The following TBK1 variants were observed in gnomAD, a reference collection of about 807,000 sequenced individuals.
TBK1 encodes the protein TANK binding kinase 1, also known as serine/threonine-protein kinase TBK1.
TBK1 carries 37 observed loss-of-function variants against 99.9 expected under a neutral mutation model. The observed-to-expected ratio is 0.37, with a 90% confidence interval of 0.28 to 0.49. The LOEUF is 0.49. TBK1 is among the 20% of genes least tolerant of loss of function. TBK1 has a pLI of 0.98. For synonymous variants in TBK1, 258 were observed against 279.8 expected (o/e 0.92, Z 0.78); for missense variants, 644 against 872.5 (o/e 0.74, Z 3.30).
chr12:64,479,318 A>G (rs1034654858), intron 6 of TBK1, among the ~76,000 whole-genome samples: 1 of 152,330 alleles, frequency 6.6e-6, no homozygotes, highest in East Asian at 1.9e-4. Context: ...GATAGTTGTC[A>G]CATGAACACA....
At position 64,464,471 on chromosome 12, in the gene TBK1, T is replaced by A; in HGVS notation, c.358+8T>A. ...TTGTTTTGCGAGATGTGGGTATGTTTGTTTATTTATATGATATCATTTGTA... is the reference window on the plus strand; with the variant it reads ...TTGTTTTGCGAGATGTGGGTATGTTAGTTTATTTATATGATATCATTTGTA... On this transcript the variant is annotated splice_region_variant and intron_variant, in intron 4 of 20. Coordinates refer to ENST00000331710, the MANE Select transcript of TBK1 (RefSeq NM_013254.4). 4 of 1,560,176 alleles carry A rather than the reference T, an allele frequency of 2.6e-6. No homozygotes were observed. The highest frequency in any genetic ancestry group is 3.5e-6 in the Non-Finnish European group (4 of 1,154,540).
rs116739164 is a variant in TBK1 at position 64,487,229 on chromosome 12, G to A, written c.1340+1212G>A. On this transcript the variant is annotated intron_variant, in intron 11 of 20. Coordinates refer to ENST00000331710, the MANE Select transcript of TBK1 (RefSeq NM_013254.4). ...TGCTTGTTTCTACACATCATTCAAA[G>A]CTTTTGAATTTTGCGTACACATCAT... 3.2e-3 allele frequency among the ~76,000 whole-genome samples: 482 copies of A among 152,286 alleles called. 5 individuals carry two copies. Among genetic ancestry groups the A allele is most frequent in the African/African-American group, 0.011 (461 of 41,560 alleles).
chr12:64,455,966 A>G lies in TBK1; in HGVS notation c.87+9A>G, dbSNP rs1363569679. 6.3e-7 allele frequency: 1 copy of G among 1,597,582 alleles called. No homozygotes were observed. The highest frequency in any genetic ancestry group is 8.5e-7 in the Non-Finnish European group (1 of 1,173,408). On this transcript the variant is annotated intron_variant, in intron 2 of 20. Transcript: ENST00000331710. ...TTCGTGGAAGACATAAGGTTAGTAC[A>G]GAGAAAACTTTGAAGACCTTTTATC...
At chr12:64,453,329 A>G (rs1184150730) in intron 1 of TBK1, among the ~76,000 whole-genome samples, 1 of 152,230 alleles carries the variant, frequency 6.6e-6, no homozygotes, top group Non-Finnish European at 1.5e-5. Flanking sequence ...ATAGGTACCT[A>G]ATGGTACTAT....
chr12:64,483,042 G>A (rs1488352911), intron 8 of TBK1, among the ~76,000 whole-genome samples: 1 of 152,172 alleles, frequency 6.6e-6, no homozygotes, highest in African/African-American at 2.4e-5. Context: ...TCATTTCTTA[G>A]AACTGCATGT....
intron 9 of TBK1, among the ~76,000 whole-genome samples, chr12:64,484,770 A>G (rs975084065): frequency 2.6e-5 from 4 of 152,112 alleles, no homozygotes; most frequent in African/African-American, 9.7e-5. Context: ...AAAAATCCAC[A>G]AAGTCTGTCA....
intron 1 of TBK1, among the ~76,000 whole-genome samples, chr12:64,453,544 C>T (rs1267686997): frequency 6.6e-6 from 1 of 152,070 alleles, no homozygotes; most frequent in East Asian, 1.9e-4. Flanking sequence ...ATAAAAATAT[C>T]CTACTATATC....
intron 2 of TBK1, among the ~76,000 whole-genome samples, chr12:64,457,983 C>T (rs529249965): frequency 2.2e-4 from 34 of 152,212 alleles, no homozygotes; most frequent in Admixed American, 1.6e-3. Context: ...TGGTGGCTCA[C>T]GCCTGTAATC....
chr12:64,484,339 C>T lies in TBK1; in HGVS notation c.1029C>T (p.Thr343=), dbSNP rs1477173879. Residue 343 remains threonine (T), a synonymous_variant, in exon 9 of 21, where the codon ACC becomes ACT. Transcript: ENST00000331710. ...TTCATGAACTGGTATATAAACAAACCAAAATTATTTCTTCAAATCAAGAAC... is the reference window on the plus strand; with the variant it reads ...TTCATGAACTGGTATATAAACAAACTAAAATTATTTCTTCAAATCAAGAAC... ...TIFHELVYKQ[T]KIISSNQELI... 1 of 1,613,372 alleles carries T rather than the reference C, an allele frequency of 6.2e-7. No individual in the cohort carries two copies. The highest frequency in any genetic ancestry group is 2.2e-5 in the East Asian group (1 of 44,848).
At chr12:64,460,061 T>G in intron 2 of TBK1, 128 bp from the exon 3 acceptor site, 1 of 541,758 alleles carries the variant, frequency 1.8e-6, no homozygotes, top group Non-Finnish European at 3.0e-6. Flanking sequence ...CTCATACAGA[T>G]TCCCTGTGCC....
intron 5 of TBK1, among the ~76,000 whole-genome samples, chr12:64,468,825 A>G (rs1167940986): frequency 6.6e-6 from 1 of 152,198 alleles, no homozygotes; most frequent in Non-Finnish European, 1.5e-5. Flanking sequence ...GAAGCAAGCC[A>G]GGCACAGCGT....
At chr12:64,499,856 C>T (rs1171161220) in intron 20 of TBK1, among the ~76,000 whole-genome samples, 1 of 151,972 alleles carries the variant, frequency 6.6e-6, no homozygotes, top group Non-Finnish European at 1.5e-5. Context: ...CGCCACCATG[C>T]CCAGCTAATT....
chr12:64,465,024 G>T (rs1277354407), intron 4 of TBK1, among the ~76,000 whole-genome samples: 1 of 151,958 alleles, frequency 6.6e-6, no homozygotes, highest in East Asian at 1.9e-4. Context: ...CCGGCAGATT[G>T]CTTGAGTCCA....
chr12:64,463,509 G>T (rs1486343117), intron 3 of TBK1, among the ~76,000 whole-genome samples: 1 of 151,876 alleles, frequency 6.6e-6, no homozygotes, highest in Non-Finnish European at 1.5e-5. Flanking sequence ...GACTAGCCTG[G>T]GCAACATAGT....
intron 2 of TBK1, among the ~76,000 whole-genome samples, chr12:64,458,499 A>G (rs1317842239): frequency 8.2e-6 from 1 of 121,744 alleles, no homozygotes; most frequent in Non-Finnish European, 1.8e-5. Context: ...TGATCTGCAC[A>G]TATGGATATA....
intron 5 of TBK1, among the ~76,000 whole-genome samples, chr12:64,469,538 G>A (rs1458673664): frequency 2.6e-5 from 4 of 152,112 alleles, no homozygotes; most frequent in Non-Finnish European, 5.9e-5. Flanking sequence ...GCTTCTAGAA[G>A]CAACACTGCT....
At chr12:64,464,489 C>A in intron 4 of TBK1, 26 bp downstream of exon 4, 4 of 1,482,488 alleles carry the variant, frequency 2.7e-6, no homozygotes, top group South Asian at 1.4e-5. Flanking sequence ...TATATGATAT[C>A]ATTTGTATAT....
rs2040770876 is a variant in TBK1 at position 64,481,855 on chromosome 12, C to T, written c.826C>T (p.Leu276=). 2 of 1,591,804 alleles carry T rather than the reference C, an allele frequency of 1.3e-6. No individual in the cohort carries two copies. Among genetic ancestry groups the T allele is most frequent in the Non-Finnish European group, 1.7e-6 (2 of 1,170,912 alleles). The part of the protein sequence containing the change: ...SCSLSRGLQV[L]LTPVLANILE... The stretch of plus-strand genomic sequence containing the variant: ...ATACTATTTTAGGGGTCTTCAGGTT[C>T]TACTTACCCCTGTTCTTGCAAACAT... Residue 276 remains leucine (L), a synonymous_variant, in exon 8 of 21, where the codon CTA becomes TTA. Coordinates refer to ENST00000331710, the MANE Select transcript of TBK1 (RefSeq NM_013254.4).
intron 3 of TBK1, among the ~76,000 whole-genome samples, chr12:64,462,074 G>C (rs1017266317): frequency 6.6e-6 from 1 of 152,134 alleles, no homozygotes; most frequent in South Asian, 2.1e-4. Context: ...CTGACCTTTA[G>C]TCCCCAGCTC....
Sources: gnomAD v4.1 joint callset for allele counts (sites outside exome capture counted in the v4.1 genomes callset) on GRCh38, gnomAD v4.1.1 for gene constraint, MANE v1.5 for transcripts, NCBI Gene and HGNC (gene_info 2026-07-23, HGNC 2026-07-21) for gene names.